Variants in KCTD13 observed in about 807,000 individuals in gnomAD.
KCTD13 encodes BTB/POZ domain-containing adapter for CUL3-mediated RhoA degradation protein 1.
Under a neutral mutation model 32.3 loss-of-function variants are expected in KCTD13, and 15 were observed. That is an observed-to-expected ratio of 0.46 (90% CI 0.31 to 0.71). KCTD13 has a LOEUF of 0.71. Among genes scored for constraint, KCTD13 ranks in the 30% least tolerant of loss-of-function variants. KCTD13 has a pLI of 0.05. For synonymous variants in KCTD13, 189 were observed against 200.1 expected, an observed-to-expected ratio of 0.94 and a Z score of 0.47; for missense variants, 337 against 452.6, an observed-to-expected ratio of 0.74 and a Z score of 2.32.
intron 1 of KCTD13, 113 bp from the exon 2 acceptor site, chr16:29,923,472 G>A (rs1328414648): frequency 1.2e-6 from 1 of 861,582 alleles, no homozygotes; most frequent in African/African-American, 1.7e-5. Context: ...GCCCAGGCTG[G>A]TCTTGAACTC....
rs2068614945 is a variant in KCTD13 at position 29,906,483 on chromosome 16, G to A, written c.*389C>T. On this transcript the variant is annotated 3_prime_UTR_variant, in exon 6 of 6. Transcript: ENST00000568000. The stretch of plus-strand genomic sequence containing the variant: ...GTAGGGAGGATGGTGGGGAGGAGGG[G>A]GCGGACTACCCTGCAGGACGCGGGA... The A allele has an allele frequency of 1.1e-5, 5 of 467,778 alleles. No homozygotes were observed. Among genetic ancestry groups the A allele is most frequent in the South Asian group, 3.1e-5 (2 of 64,634 alleles). The allele number at this position is 467,778 out of a possible 1,614,324, so 29.0% of individuals were successfully genotyped here.
chr16:29,921,322 GT>G (rs2068908166), intron 2 of KCTD13: 1 of 152,138 alleles, frequency 6.6e-6, no homozygotes, highest in Non-Finnish European at 1.5e-5. Context: ...AAGACAAAAG[GT>G]TTGCATAGAC....
chr16:29,908,647 G>T (rs2068653561), intron 5 of KCTD13, among the ~76,000 whole-genome samples: 1 of 150,500 alleles, frequency 6.6e-6, no homozygotes, highest in Admixed American at 6.6e-5. Flanking sequence ...GCCTCCCAAA[G>T]TGCTGGGATT....
Position 29,924,174 on chromosome 16 carries a change from C to CAAAAAA in KCTD13, c.245-821_245-816dup, listed in dbSNP as rs72170823. Among the ~76,000 whole-genome samples the CAAAAAA allele has an allele frequency of 9.0e-4, 129 of 143,644 alleles. 1 individual carries two copies. Among genetic ancestry groups the CAAAAAA allele is most frequent in the African/African-American group, 3.1e-3 (118 of 38,142 alleles). The allele number at this position is 143,644 out of a possible 152,430, so 94.2% of individuals were successfully genotyped here. A position where few individuals can be genotyped will look rare whatever the true frequency, so the allele number is the denominator to read the frequency against. ...GGGCAACAAGAGTGAAACTCCATCT[C>CAAAAAA]AAAAAAAAAGAAAAGAAAAGAAAAG... is the stretch of plus-strand genomic sequence containing the variant. On this transcript the variant is annotated intron_variant, in intron 1 of 5. Transcript: ENST00000568000.
intron 2 of KCTD13, chr16:29,922,753 G>A (rs901959969): frequency 1.8e-5 from 7 of 386,818 alleles, no homozygotes; most frequent in Admixed American, 8.9e-5. Context: ...CCTGGGGGGC[G>A]GAAGCCATGG....
Position 29,911,145 on chromosome 16 carries a change from T to C in KCTD13, c.586A>G (p.Ile196Val). ...AGGGCCAGCTTGTCGAACAGCTCGA[T>C]GTTCTTAAGTAGGTTGTCATCTGAA... is the stretch of plus-strand genomic sequence containing the variant. ...STSDDNLLKN[I>V]ELFDKLALRF... Residue 196 changes from isoleucine to valine, a missense_variant, in exon 5 of 6, where the codon ATC (isoleucine) becomes GTC (valine). Around this residue, in one of 3 missense-constraint regions of KCTD13, gnomAD observed 252 missense variants for 340.2 expected, o/e 0.74. Transcript: ENST00000568000. The C allele has an allele frequency of 6.2e-7, 1 of 1,614,010 alleles. No homozygotes were observed. Among genetic ancestry groups the C allele is most frequent in the South Asian group, 1.1e-5 (1 of 91,082 alleles).
intron 1 of KCTD13, chr16:29,925,534 C>T (rs2068979373): frequency 3.6e-6 from 2 of 558,244 alleles, no homozygotes. Context: ...CGTTCAATCA[C>T]TTACCACAGC....
intron 4 of KCTD13, 117 bp downstream of exon 4, chr16:29,911,698 G>C (rs540337867): frequency 2.8e-6 from 3 of 1,090,056 alleles, no homozygotes; most frequent in Admixed American, 4.4e-5. Flanking sequence ...CCGAATCTGC[G>C]AGCAGGCACA....
chr16:29,919,289 C>T (rs894565553), intron 2 of KCTD13, among the ~76,000 whole-genome samples: 1 of 151,954 alleles, frequency 6.6e-6, no homozygotes, highest in Non-Finnish European at 1.5e-5. Context: ...TAAAGTAATG[C>T]TTATGGTATT....
In KCTD13 at chr16:29,910,097, A is replaced by T. The variant is rs1377255316; in HGVS notation, c.753+881T>A. ...TGGGCAACAGAGTGAGACTCTGTCTAAAAAAAAAAAAAAAAAAATAGGCTG... is the reference window on the plus strand; with the variant it reads ...TGGGCAACAGAGTGAGACTCTGTCTTAAAAAAAAAAAAAAAAAATAGGCTG... On this transcript the variant is annotated intron_variant, in intron 5 of 5. Coordinates refer to ENST00000568000, the MANE Select transcript of KCTD13 (RefSeq NM_178863.5). Among the ~76,000 whole-genome samples the T allele has an allele frequency of 2.7e-4, 36 of 132,472 alleles. 1 individual carries two copies. Among genetic ancestry groups the T allele is most frequent in the Admixed American group, 1.8e-3 (23 of 13,100 alleles). The allele number at this position is 132,472 out of a possible 152,430, so 86.9% of individuals were successfully genotyped here.
At chr16:29,925,039 G>C (rs2068972394) in intron 1 of KCTD13, among the ~76,000 whole-genome samples, 2 of 152,078 alleles carry the variant, frequency 1.3e-5, no homozygotes, top group Admixed American at 1.3e-4. Flanking sequence ...TTTGATACTT[G>C]AAGGCAGATC....
intron 5 of KCTD13, among the ~76,000 whole-genome samples, chr16:29,908,116 G>C (rs1213462587): frequency 6.6e-6 from 1 of 152,148 alleles, no homozygotes; most frequent in Non-Finnish European, 1.5e-5. Flanking sequence ...CTGAGAAGGT[G>C]ATATTTGACC....
At position 29,926,048 on chromosome 16, in the gene KCTD13, G is replaced by A. The variant is rs1279043454; in HGVS notation, c.-15C>T. ...TCCGCCGACATGCCGGGTAGCAGCG[G>A]CGGACGGCGATCCCAGGATCTCTCC... On this transcript the variant is annotated 5_prime_UTR_variant, in exon 1 of 6. Transcript: ENST00000568000. 8.7e-6 allele frequency: 13 copies of A among 1,486,806 alleles called. No individual in the cohort carries two copies. In the Admixed American group the frequency reaches 3.2e-4, roughly 37 times the overall value. The allele number at this position is 1,486,806 out of a possible 1,614,324, so 92.1% of individuals were successfully genotyped here.
At chr16:29,908,873 T>C (rs2068658124) in intron 5 of KCTD13, among the ~76,000 whole-genome samples, 1 of 151,774 alleles carries the variant, frequency 6.6e-6, no homozygotes, top group Admixed American at 6.6e-5. Flanking sequence ...TTTTTTATTT[T>C]TTGTAGAGAT....
rs1247710112 is a variant in KCTD13, at chr16:29,926,152, C to T, written c.-119G>A. On this transcript the variant is annotated 5_prime_UTR_variant, in exon 1 of 6. Coordinates refer to ENST00000568000, the MANE Select transcript of KCTD13 (RefSeq NM_178863.5). ...AGACCGCTCGGCGCACACGCCCACT[C>T]ACCGCAGCTACTCTGCAAGACCGGC... The T allele has an allele frequency of 3.4e-6, 4 of 1,175,206 alleles. No individual in the cohort carries two copies. Among genetic ancestry groups the T allele is most frequent in the Non-Finnish European group, 4.5e-6 (4 of 885,614 alleles). 72.8% of individuals were successfully genotyped at this position (1,175,206 alleles called of 1,614,324 possible). A position where few individuals can be genotyped will look rare whatever the true frequency, so the allele number is the denominator to read the frequency against.
intron 2 of KCTD13, chr16:29,920,547 G>C (rs776714608): frequency 6.6e-6 from 1 of 151,956 alleles, no homozygotes; most frequent in Non-Finnish European, 1.5e-5. Flanking sequence ...CTCCTGCTAA[G>C]CAACATGAAA....
intron 2 of KCTD13, among the ~76,000 whole-genome samples, chr16:29,918,722 T>C (rs1267306587): frequency 6.6e-6 from 1 of 152,082 alleles, no homozygotes; most frequent in Non-Finnish European, 1.5e-5. Context: ...AGTGGCACGA[T>C]CTCGGCTCAC....
At chr16:29,915,585 G>A (rs1408492336) in intron 2 of KCTD13, among the ~76,000 whole-genome samples, 6 of 151,192 alleles carry the variant, frequency 4.0e-5, no homozygotes, top group African/African-American at 1.5e-4. Flanking sequence ...CCAGGAGGAG[G>A]AGGTTGCAGT....
chr16:29,923,231 G>GGTA lies in KCTD13; in HGVS notation c.370_372dup (p.Tyr124dup). 6.2e-7 allele frequency: 1 copy of GGTA among 1,614,234 alleles called. No homozygotes were observed. The highest frequency in any genetic ancestry group is 8.5e-7 in the Non-Finnish European group (1 of 1,180,048). On this transcript the variant is annotated inframe_insertion, in exon 2 of 6. Transcript: ENST00000568000. Reference sequence around the variant, plus strand: ...CAGTCCTCAATCAGGCCCTGCACCAGGTAGTAGCGTGCTTCGCCCAGCAGC... The same window carrying GGTA: ...CAGTCCTCAATCAGGCCCTGCACCAGGTAGTAGTAGCGTGCTTCGCCCAGCAGC...
Sources: allele counts gnomAD v4.1 joint callset (sites outside exome capture counted in the v4.1 genomes callset), GRCh38; gene constraint gnomAD v4.1.1; regional missense constraint gnomAD v4.1.1; transcripts MANE v1.5; gene names NCBI Gene and HGNC (gene_info 2026-07-23, HGNC 2026-07-21).